The following FREM3 variants were observed in gnomAD, a reference collection of about 807,000 sequenced individuals.
The protein encoded by FREM3 is FRAS1-related extracellular matrix protein 3.
In FREM3, 105 loss-of-function variants were observed where a neutral mutation model predicts 129.1. The observed-to-expected ratio is 0.81, with a 90% CI of 0.69 to 0.96. FREM3 has a LOEUF of 0.96. Ranked by LOEUF, FREM3 falls within the 40% of genes least tolerant of loss-of-function variation. The pLI, the probability that FREM3 is intolerant of heterozygous loss-of-function variation, is 0.00. For missense variants in FREM3, 2,593 were observed against 2,666.3 expected (o/e 0.97, Z 0.61); for synonymous variants, 1,014 against 1,044.9 (o/e 0.97, Z 0.57).
chr4:143,619,861 G>A (rs1280673104), intron 5 of FREM3, among the ~76,000 whole-genome samples: 1 of 151,972 alleles, frequency 6.6e-6, no homozygotes, highest in Non-Finnish European at 1.5e-5. Context: ...AAACAATGTT[G>A]TGGGGGTATT....
intron 2 of FREM3, among the ~76,000 whole-genome samples, chr4:143,676,255 T>A (rs56284890): frequency 5.3e-5 from 8 of 152,172 alleles, no homozygotes; most frequent in African/African-American, 1.7e-4. Context: ...ATCAATAAAC[T>A]TGATCCAGCA....
intron 6 of FREM3, among the ~76,000 whole-genome samples, chr4:143,593,729 G>C (rs1159925808): frequency 6.6e-6 from 1 of 152,166 alleles, no homozygotes; most frequent in Non-Finnish European, 1.5e-5. Context: ...ATCTCAAGCT[G>C]CATGCTGGGA....
At chr4:143,622,568 T>C (rs550251889) in intron 4 of FREM3, among the ~76,000 whole-genome samples, 1 of 152,240 alleles carries the variant, frequency 6.6e-6, no homozygotes, top group South Asian at 2.1e-4. Flanking sequence ...ACACTGGCCC[T>C]GAGTCACAGG....
chr4:143,645,550 T>C (rs1739399085), intron 2 of FREM3, among the ~76,000 whole-genome samples: 1 of 152,238 alleles, frequency 6.6e-6, no homozygotes, highest in African/African-American at 2.4e-5. Context: ...GTTTCCCCAG[T>C]AAGCAATCCT....
At chr4:143,664,627 T>A (rs924389911) in intron 2 of FREM3, among the ~76,000 whole-genome samples, 5 of 152,112 alleles carry the variant, frequency 3.3e-5, no homozygotes, top group South Asian at 2.1e-4. Context: ...GCTGTCAGAC[T>A]TGGACATTTA....
intron 6 of FREM3, among the ~76,000 whole-genome samples, chr4:143,608,879 C>CT (rs1405286991): frequency 1.3e-5 from 2 of 152,088 alleles, no homozygotes; most frequent in African/African-American, 2.4e-5. Flanking sequence ...AATTAACTCT[C>CT]TTTTTTACCT....
intron 5 of FREM3, 120 bp downstream of exon 5, chr4:143,620,917 G>A (rs1738934346): frequency 1.0e-6 from 1 of 969,570 alleles, no homozygotes; most frequent in Non-Finnish European, 1.5e-6. Flanking sequence ...GGACAATGAG[G>A]GGCCCAGGCA....
chr4:143,669,603 A>T (rs1003099434), intron 2 of FREM3, among the ~76,000 whole-genome samples: 1 of 150,650 alleles, frequency 6.6e-6, no homozygotes, highest in Non-Finnish European at 1.5e-5. Flanking sequence ...ATTCAATTTT[A>T]TATGAAGTTT....
intron 4 of FREM3, among the ~76,000 whole-genome samples, chr4:143,623,567 G>T (rs1050834303): frequency 7.5e-6 from 1 of 133,484 alleles, no homozygotes; most frequent in Non-Finnish European, 1.5e-5. Flanking sequence ...CATGATTACT[G>T]CTTAGATTTT....
chr4:143,610,365 G>T (rs1352175781), intron 6 of FREM3, among the ~76,000 whole-genome samples: 1 of 152,122 alleles, frequency 6.6e-6, no homozygotes, highest in Non-Finnish European at 1.5e-5. Context: ...GATAGTACAC[G>T]ATAAATTTAC....
chr4:143,622,504 T>C (rs965070109), intron 4 of FREM3, among the ~76,000 whole-genome samples: 2 of 151,994 alleles, frequency 1.3e-5, no homozygotes, highest in African/African-American at 4.8e-5. Context: ...TTTTTCTTCT[T>C]TACTTTCCTG....
At chr4:143,597,796 C>T (rs1336460539) in intron 6 of FREM3, among the ~76,000 whole-genome samples, 2 of 152,128 alleles carry the variant, frequency 1.3e-5, no homozygotes, top group African/African-American at 4.8e-5. Flanking sequence ...GGAAAGACAT[C>T]CTGTGTTCAT....
Position 143,695,812 on chromosome 4 carries a change from A to C in FREM3, c.4864T>G (p.Leu1622Val). 6.5e-7 allele frequency: 1 copy of C among 1,537,300 alleles called. No individual in the cohort carries two copies. The highest frequency in any genetic ancestry group is 8.7e-7 in the Non-Finnish European group (1 of 1,146,922). The change falls in exon 1 of 8, where the codon TTG becomes GTG. Residue 1622 changes from leucine (L) to valine (V), a missense_variant. This residue lies in a region of FREM3 where 2,276 missense variants were observed against 2,267.2 expected (regional missense o/e 1.00). Coordinates refer to ENST00000329798, the MANE Select transcript of FREM3 (RefSeq NM_001168235.2). ...GTGTGAGTGCCGTCTGTCACAGTCA[A>C]GGAGAAACTATCTTCAGTGGTCTCA... ...GSETTEDSFSLTVTDGTHTDF... is the reference protein window; with the variant it reads ...GSETTEDSFSVTVTDGTHTDF...
At position 143,621,114 on chromosome 4, in the gene FREM3, A is replaced by G. The variant is rs1456419522; in HGVS notation, c.5702T>C (p.Ile1901Thr). ...PEAEYKIEEDIGELLIPVRRS... is the reference protein window; with the variant it reads ...PEAEYKIEEDTGELLIPVRRS... ...TCTTACTGGAATCAAAAGTTCCCCA[A>G]TGTCCTCTTCTATTTTGTATTCCGC... The change falls in exon 5 of 8, where the codon ATT becomes ACT. Residue 1901 changes from isoleucine to threonine, a missense_variant. Coordinates refer to ENST00000329798, the MANE Select transcript of FREM3 (RefSeq NM_001168235.2). 2.6e-6 allele frequency: 4 copies of G among 1,536,856 alleles called. No individual in the cohort carries two copies. The highest frequency in any genetic ancestry group is 2.0e-5 in the Admixed American group (1 of 50,992).
chr4:143,622,078 T>C (rs11733666), intron 4 of FREM3, among the ~76,000 whole-genome samples: 52,095 of 151,424 alleles, frequency 0.34, 10,468 homozygotes, highest in Middle Eastern at 0.47. Context: ...GGGAAAAGAT[T>C]GTAGGCAATC....
At position 143,695,555 on chromosome 4, in the gene FREM3, T is replaced by G; in HGVS notation, c.5121A>C (p.Gly1707=). 6.5e-7 allele frequency: 1 copy of G among 1,537,442 alleles called. No homozygotes were observed. Among genetic ancestry groups the G allele is most frequent in the Non-Finnish European group, 8.7e-7 (1 of 1,146,948 alleles). The change falls in exon 1 of 8, where the codon GGA becomes GGC. Residue 1707 remains glycine, a synonymous_variant. Coordinates refer to ENST00000329798, the MANE Select transcript of FREM3 (RefSeq NM_001168235.2). ...TTTTGATAATGAAGCCATGCTCTGG[T>G]CCTCTGGTCACTTTATACTTCAGAA... is the stretch of plus-strand genomic sequence containing the variant. The part of the protein sequence containing the change: ...HRLLKYKVTR[G]PEHGFIIKTG...
intron 2 of FREM3, among the ~76,000 whole-genome samples, chr4:143,649,647 G>T (rs547462637): frequency 1.3e-5 from 2 of 152,184 alleles, no homozygotes; most frequent in African/African-American, 4.8e-5. Flanking sequence ...CCTTGGCTTG[G>T]ACTACTTGCC....
intron 2 of FREM3, among the ~76,000 whole-genome samples, chr4:143,664,734 G>A (rs2149853799): frequency 6.6e-6 from 1 of 152,276 alleles, no homozygotes; most frequent in African/African-American, 2.4e-5. Context: ...GCTGTGGTGG[G>A]CTCCACCCAG....
At position 143,629,103 on chromosome 4, in the gene FREM3, C is replaced by T. The variant is rs369434627; in HGVS notation, c.5276-1343G>A. Among the ~76,000 whole-genome samples, 63 of 152,168 alleles carry T rather than the reference C, an allele frequency of 4.1e-4. 2 individuals are homozygous for T. The East Asian group carries it at 0.011, about 28-fold the overall frequency. On this transcript the variant is annotated intron_variant, in intron 2 of 7. Transcript: ENST00000329798. ...CTAAAGATAGGAATCTTCAAGGAACCCATGAAAACACCAAGTAAGGAAGGG... is the reference window on the plus strand; with the variant it reads ...CTAAAGATAGGAATCTTCAAGGAACTCATGAAAACACCAAGTAAGGAAGGG...
Sources: allele counts gnomAD v4.1 joint callset (sites outside exome capture counted in the v4.1 genomes callset), GRCh38; gene constraint gnomAD v4.1.1; regional missense constraint gnomAD v4.1.1; transcripts MANE v1.5; gene names NCBI Gene and HGNC (gene_info 2026-07-23, HGNC 2026-07-21).